The following SHROOM4 variants were observed in gnomAD, a reference collection of about 807,000 sequenced individuals.
SHROOM4 encodes the protein shroom family member 4.
In SHROOM4, 17 loss-of-function variants were observed where a neutral mutation model predicts 80.3. The observed-to-expected ratio is 0.21, with a 90% CI of 0.14 to 0.32. SHROOM4 has a LOEUF of 0.32. Ranked by LOEUF, SHROOM4 falls within the 10% of genes least tolerant of loss-of-function variation. The pLI is 1.00. For missense variants in SHROOM4, 993 were observed against 1,140.3 expected (o/e 0.87, Z 1.86); for synonymous variants, 400 against 437.5 (o/e 0.91, Z 1.07).
chrX:50,745,704 T>C (rs1286031805), intron 1 of SHROOM4, among the ~76,000 whole-genome samples: 1 of 110,867 alleles, frequency 9.0e-6, no homozygotes, highest in African/African-American at 3.3e-5. Flanking sequence ...TATAGCTCTA[T>C]AATCAACAGC....
chrX:50,774,139 C>T (rs17315290), intron 1 of SHROOM4, among the ~76,000 whole-genome samples: 4,442 of 111,148 alleles, frequency 0.04, 111 homozygotes, highest in African/African-American at 0.089. Flanking sequence ...ATCACTTGTC[C>T]CCTTGAATTC....
rs1265160443 is a variant in SHROOM4, at chrX:50,718,370, T to C, written c.118-22433A>G. Among the ~76,000 whole-genome samples the C allele has an allele frequency of 2.7e-5, 3 of 111,297 alleles. No homozygotes were observed. The Admixed American group carries it at 2.9e-4, about 11-fold the overall frequency. Reference sequence around the variant, plus strand: ...CAGCAGCAGCACCAACAAAGCAGAATAGATGCAGGTCAGTGCATGGAACAA... The same window carrying C: ...CAGCAGCAGCACCAACAAAGCAGAACAGATGCAGGTCAGTGCATGGAACAA... On this transcript the variant is annotated intron_variant, in intron 1 of 8. Coordinates refer to ENST00000376020, the MANE Select transcript of SHROOM4 (RefSeq NM_020717.5).
intron 2 of SHROOM4, among the ~76,000 whole-genome samples, chrX:50,658,053 C>T (rs1178247109): frequency 9.0e-6 from 1 of 111,692 alleles, no homozygotes; most frequent in Non-Finnish European, 1.9e-5. Flanking sequence ...CAGCATTTTT[C>T]CCCTTTGCTT....
intron 1 of SHROOM4, among the ~76,000 whole-genome samples, chrX:50,782,942 A>G (rs1441538180): frequency 8.9e-6 from 1 of 112,041 alleles, no homozygotes; most frequent in Non-Finnish European, 1.9e-5. Flanking sequence ...GCTGTTCAAC[A>G]TTGTGCCCAT....
intron 1 of SHROOM4, among the ~76,000 whole-genome samples, chrX:50,785,174 T>C (rs1329556585): frequency 8.9e-6 from 1 of 111,789 alleles, no homozygotes; most frequent in East Asian, 2.8e-4. Context: ...ACTTAAGATG[T>C]TTACAATCAC....
intron 1 of SHROOM4, among the ~76,000 whole-genome samples, chrX:50,730,147 G>C (rs150662183): frequency 8.9e-6 from 1 of 111,997 alleles, no homozygotes; most frequent in Non-Finnish European, 1.9e-5. Flanking sequence ...GCAATTGCAG[G>C]CTGGGTGCAG....
intron 2 of SHROOM4, 68 bp downstream of exon 2, chrX:50,695,718 A>G (rs1933350308): frequency 3.6e-6 from 4 of 1,096,499 alleles, no homozygotes; most frequent in Non-Finnish European, 5.1e-6. Flanking sequence ...ACATGACTCT[A>G]TTGAGCTTTA....
At chrX:50,660,417 T>C (rs1489152954) in intron 2 of SHROOM4, among the ~76,000 whole-genome samples, 4 of 111,376 alleles carry the variant, frequency 3.6e-5, no homozygotes, top group African/African-American at 1.3e-4. Flanking sequence ...AAAATGTACA[T>C]TAAACGCTCT....
At chrX:50,673,816 G>A (rs1222377837) in intron 2 of SHROOM4, among the ~76,000 whole-genome samples, 3 of 109,261 alleles carry the variant, frequency 2.7e-5, no homozygotes, top group Non-Finnish European at 5.7e-5. Context: ...TAAAACTGTC[G>A]CTTTTTGGAG....
rs782712565 is a variant in SHROOM4, at chrX:50,635,622, C to T, written c.451G>A (p.Glu151Lys). ...ATGCTGCCAATGGAGCTGCTTTTCT[C>T]GGTGCTGCAATGCCGGGAGAGTGGA... ...WCPLSRHCST[E>K]KSSSIGSMES... The change falls in exon 4 of 9, where the codon GAG becomes AAG. Residue 151 changes from glutamate (E) to lysine (K), a missense_variant. Glu to Lys is a moderately conservative substitution (Grantham distance 56, BLOSUM62 1). Coordinates refer to ENST00000376020, the MANE Select transcript of SHROOM4 (RefSeq NM_020717.5). The T allele has an allele frequency of 5.8e-5, 70 of 1,207,237 alleles. No individual in the cohort carries two copies. The highest frequency in any genetic ancestry group is 6.6e-5 in the Non-Finnish European group (59 of 894,620).
intron 1 of SHROOM4, among the ~76,000 whole-genome samples, chrX:50,771,198 C>T (rs999241173): frequency 9.0e-6 from 1 of 111,498 alleles, no homozygotes; most frequent in African/African-American, 3.3e-5. Flanking sequence ...CTTCCCCACC[C>T]TCCCTTCACA....
At chrX:50,707,143 C>T (rs910073435) in intron 1 of SHROOM4, among the ~76,000 whole-genome samples, 3 of 111,922 alleles carry the variant, frequency 2.7e-5, no homozygotes, top group Non-Finnish European at 5.6e-5. Flanking sequence ...TGATTTAGTG[C>T]TTCGTTAACC....
chrX:50,653,288 G>C (rs782666830), intron 2 of SHROOM4, among the ~76,000 whole-genome samples: 1 of 111,310 alleles, frequency 9.0e-6, no homozygotes, highest in African/African-American at 3.3e-5. Context: ...CGCATCCCTT[G>C]TAAGTTGTAT....
intron 1 of SHROOM4, among the ~76,000 whole-genome samples, chrX:50,797,972 A>G (rs1415124933): frequency 9.0e-6 from 1 of 111,126 alleles, no homozygotes; most frequent in African/African-American, 3.3e-5. Flanking sequence ...ATTTTGTTCC[A>G]TGAACATTTA....
At chrX:50,669,049 A>T (rs970425270) in intron 2 of SHROOM4, among the ~76,000 whole-genome samples, 9 of 112,663 alleles carry the variant, frequency 8.0e-5, no homozygotes, top group African/African-American at 2.9e-4. Context: ...AGAATACTTT[A>T]TTGCTAAAAA....
chrX:50,743,931 C>A (rs1421743976), intron 1 of SHROOM4, among the ~76,000 whole-genome samples: 4 of 111,604 alleles, frequency 3.6e-5, no homozygotes, highest in Non-Finnish European at 7.5e-5. Context: ...ATGTCCTCCC[C>A]TTGTCTCCTG....
At chrX:50,621,559 T>C (rs1930574296) in intron 5 of SHROOM4, among the ~76,000 whole-genome samples, 1 of 112,219 alleles carries the variant, frequency 8.9e-6, no homozygotes, top group Non-Finnish European at 1.9e-5. Context: ...TATTCAGTCT[T>C]CCTAAATTAA....
rs1269603576 is a variant in SHROOM4, at chrX:50,588,833, G to A, written c.*7862C>T. Among the ~76,000 whole-genome samples, 1 of 112,344 alleles carries A rather than the reference G, an allele frequency of 8.9e-6. No homozygotes were observed. The highest frequency in any genetic ancestry group is 9.4e-5 in the Admixed American group (1 of 10,602). On this transcript the variant is annotated 3_prime_UTR_variant, in exon 9 of 9. Coordinates refer to ENST00000376020, the MANE Select transcript of SHROOM4 (RefSeq NM_020717.5). ...TGAATTATCTCATTTAATCAACATAGTAACACTTTGAGGTGGGGCTTTTAT... is the reference window on the plus strand; with the variant it reads ...TGAATTATCTCATTTAATCAACATAATAACACTTTGAGGTGGGGCTTTTAT...
intron 3 of SHROOM4, among the ~76,000 whole-genome samples, chrX:50,637,602 C>T (rs548996468): frequency 8.9e-6 from 1 of 112,646 alleles, no homozygotes; most frequent in Middle Eastern, 4.6e-3. Flanking sequence ...CAACAGAAAT[C>T]CCTTCTTGGA....
Sources: gnomAD v4.1 joint callset for allele counts (sites outside exome capture counted in the v4.1 genomes callset) on GRCh38, gnomAD v4.1.1 for gene constraint, MANE v1.5 for transcripts, NCBI Gene and HGNC (gene_info 2026-07-23, HGNC 2026-07-21) for gene names.